The following RIN3 variants were observed in gnomAD, a reference collection of about 807,000 sequenced individuals.
RIN3 encodes the protein RAB5 interacting protein 3.
A neutral mutation model predicts 76.3 loss-of-function variants in RIN3; 54 were observed. That is an observed-to-expected ratio of 0.71 (90% CI 0.57 to 0.89). The LOEUF (loss-of-function observed/expected upper bound fraction) is 0.89. Among genes scored for constraint, RIN3 ranks in the 40% least tolerant of loss-of-function variants. The pLI is 0.00. For missense variants in RIN3, 1,256 were observed against 1,322.1 expected, an observed-to-expected ratio of 0.95 and a Z score of 0.78; for synonymous variants, 576 against 564.0, an observed-to-expected ratio of 1.02 and a Z score of -0.30.
chr14:92,652,473 C>T lies in RIN3; in HGVS notation c.1424C>T (p.Pro475Leu). ...TCTCGACAACTGGCCTCGACCCTCCCAGCTCCCTTAGAGAACGCTGAGCTC... is the reference window on the plus strand; with the variant it reads ...TCTCGACAACTGGCCTCGACCCTCCTAGCTCCCTTAGAGAACGCTGAGCTC... Reference protein sequence around the residue: ...RISRQLASTLPAPLENAELCT... With the variant: ...RISRQLASTLLAPLENAELCT... The change falls in exon 6 of 10, where the codon CCA (proline) becomes CTA (leucine). Residue 475 changes from proline (P) to leucine (L), a missense_variant. This residue lies in a region of RIN3 where 428 missense variants were observed against 521.2 expected (regional missense o/e 0.82). Transcript: ENST00000216487. The surrounding 1 kb of genome is among the most constrained non-coding windows in gnomAD (Gnocchi z 6.4). The T allele has an allele frequency of 6.2e-7, 1 of 1,614,148 alleles. No homozygotes were observed. The highest frequency in any genetic ancestry group is 8.5e-7 in the Non-Finnish European group (1 of 1,180,028).
chr14:92,598,347 C>G (rs1885225698), intron 3 of RIN3, among the ~76,000 whole-genome samples: 1 of 152,170 alleles, frequency 6.6e-6, no homozygotes, highest in Admixed American at 6.5e-5. Flanking sequence ...CAGATCAGAC[C>G]AGCCTGCAGC....
rs983371239 is a variant in RIN3 at position 92,568,138 on chromosome 14, G to T, written c.250-9222G>T. On this transcript the variant is annotated intron_variant, in intron 2 of 9. Coordinates refer to ENST00000216487, the MANE Select transcript of RIN3 (RefSeq NM_024832.5). The surrounding 1 kb of genome is among the most constrained non-coding windows in gnomAD (Gnocchi z 4.2). Reference sequence around the variant, plus strand: ...GTCTCTAAATAGCTGGCTGCAGGGGGGCAGAAAGGGAGAAGTAAGGTGGGC... The same window carrying T: ...GTCTCTAAATAGCTGGCTGCAGGGGTGCAGAAAGGGAGAAGTAAGGTGGGC... 6.6e-6 allele frequency among the ~76,000 whole-genome samples: 1 copy of T among 152,086 alleles called. No individual in the cohort carries two copies. Among genetic ancestry groups the T allele is most frequent in the Non-Finnish European group, 1.5e-5 (1 of 68,008 alleles).
chr14:92,516,883 A>C (rs528651754), intron 1 of RIN3, among the ~76,000 whole-genome samples: 2 of 152,360 alleles, frequency 1.3e-5, no homozygotes, highest in East Asian at 3.9e-4. Flanking sequence ...TCAAAACTGG[A>C]AACCTACCAG....
intron 3 of RIN3, among the ~76,000 whole-genome samples, chr14:92,610,632 C>G (rs1239211367): frequency 1.3e-5 from 2 of 152,128 alleles, no homozygotes; most frequent in Admixed American, 1.3e-4. Flanking sequence ...GGGTGGAATC[C>G]CTGGGAAACA....
intron 1 of RIN3, among the ~76,000 whole-genome samples, chr14:92,518,415 A>G (rs779792465): frequency 1.1e-4 from 16 of 152,172 alleles, no homozygotes; most frequent in Non-Finnish European, 2.1e-4. Context: ...GGTGGCCTAG[A>G]TCACAGGGCG....
At chr14:92,547,171 A>ATCTTTATTTTATTATTATAAAATAAATTG (rs1897297211) in intron 1 of RIN3, among the ~76,000 whole-genome samples, 1 of 83,900 alleles carries the variant, frequency 1.2e-5, no homozygotes, top group African/African-American at 4.5e-5. Context: ...AAAATAAATT[A>ATCTTTATTTTATTATTATAAAATAAATTG]TCTTTATTTT....
intron 1 of RIN3, among the ~76,000 whole-genome samples, chr14:92,542,096 C>G (rs908059036): frequency 1.3e-5 from 2 of 152,032 alleles, no homozygotes; most frequent in African/African-American, 4.8e-5. Flanking sequence ...AGTTTGAGAC[C>G]AGCCTGGGCA....
chr14:92,537,827 A>G (rs867224396), intron 1 of RIN3, among the ~76,000 whole-genome samples: 14 of 74,152 alleles, frequency 1.9e-4, no homozygotes, highest in African/African-American at 6.3e-4. Context: ...AATTTTATTT[A>G]TTTTATTTTA....
intron 3 of RIN3, among the ~76,000 whole-genome samples, chr14:92,587,004 A>G (rs922858930): frequency 6.6e-6 from 1 of 152,120 alleles, no homozygotes; most frequent in Non-Finnish European, 1.5e-5. Context: ...AAAGGGTAGA[A>G]CTCTGTTGGG....
Position 92,651,846 on chromosome 14 carries a change from C to A in RIN3, c.797C>A (p.Ser266Tyr), listed in dbSNP as rs1887440020. 6.2e-7 allele frequency: 1 copy of A among 1,611,228 alleles called. No homozygotes were observed. The highest frequency in any genetic ancestry group is 8.5e-7 in the Non-Finnish European group (1 of 1,178,232). The change falls in exon 6 of 10, where the codon TCT (serine) becomes TAT (tyrosine). Residue 266 changes from serine (S) to tyrosine (Y), a missense_variant. Transcript: ENST00000216487. ...NCPARPLPPT[S>Y]DATSPTSRWA... ...CCTGCACGCCCTTTGCCGCCCACCT[C>A]TGATGCCACCTCACCCACCTCCAGG... is the stretch of plus-strand genomic sequence containing the variant.
chr14:92,642,396 C>T (rs1461065232), intron 5 of RIN3, among the ~76,000 whole-genome samples: 2 of 152,094 alleles, frequency 1.3e-5, no homozygotes, highest in Non-Finnish European at 2.9e-5. Flanking sequence ...TGCGCCCGGC[C>T]CTGAGAATTT....
chr14:92,658,695 G>A (rs1216233994), intron 6 of RIN3, among the ~76,000 whole-genome samples: 2 of 152,178 alleles, frequency 1.3e-5, no homozygotes, highest in Admixed American at 6.5e-5. Context: ...GTAAGGTTCT[G>A]GATGTACTGT....
rs551291661 is a variant in RIN3 at position 92,590,591 on chromosome 14, T to G, written c.367+13114T>G. On this transcript the variant is annotated intron_variant, in intron 3 of 9. Coordinates refer to ENST00000216487, the MANE Select transcript of RIN3 (RefSeq NM_024832.5). The stretch of plus-strand genomic sequence containing the variant: ...CGAGCACCGTGCTTCCTGTAAAGCC[T>G]GCAGAACCATGAGCCAGTTAAACCT... Among the ~76,000 whole-genome samples the G allele has an allele frequency of 2.6e-5, 4 of 152,314 alleles. No individual in the cohort carries two copies. In the East Asian group the frequency reaches 7.7e-4, roughly 29 times the overall value.
chr14:92,595,944 A>T (rs1247780827), intron 3 of RIN3, among the ~76,000 whole-genome samples: 2 of 152,194 alleles, frequency 1.3e-5, no homozygotes, highest in Non-Finnish European at 2.9e-5. Flanking sequence ...GCAGTCAGAC[A>T]TGAGACCTTC....
In RIN3 at chr14:92,687,808, C is replaced by G. The variant is rs538153761; in HGVS notation, c.2632-118C>G. ...AGACGGGAAAGGCGCAGGTGCCGGA[C>G]TCGCAGACAGCTTGGCGCCCGCCAC... On this transcript the variant is annotated intron_variant, in intron 9 of 9. Coordinates refer to ENST00000216487, the MANE Select transcript of RIN3 (RefSeq NM_024832.5). 3 of 912,610 alleles carry G rather than the reference C, an allele frequency of 3.3e-6. No individual in the cohort carries two copies. The Admixed American group carries it at 1.0e-4, about 32-fold the overall frequency. The allele number at this position is 912,610 out of a possible 1,614,324, so 56.5% of individuals were successfully genotyped here. A position where few individuals can be genotyped will look rare whatever the true frequency, so the allele number is the denominator to read the frequency against.
intron 3 of RIN3, among the ~76,000 whole-genome samples, chr14:92,613,741 G>T (rs1041839139): frequency 6.6e-6 from 1 of 152,180 alleles, no homozygotes; most frequent in Admixed American, 6.5e-5. Flanking sequence ...AAGCCTCATT[G>T]TCTGTTCCAG....
At chr14:92,591,963 CAG>C (rs576249071) in intron 3 of RIN3, among the ~76,000 whole-genome samples, 1 of 152,174 alleles carries the variant, frequency 6.6e-6, no homozygotes, top group Non-Finnish European at 1.5e-5. Context: ...ATTGACCTAA[CAG>C]ATAACAGTTT....
chr14:92,632,079 C>T (rs1037479281), intron 4 of RIN3, among the ~76,000 whole-genome samples: 2 of 152,108 alleles, frequency 1.3e-5, no homozygotes, highest in African/African-American at 2.4e-5. Context: ...AGTGAGGGTG[C>T]GACTGCAGGG....
intron 1 of RIN3, among the ~76,000 whole-genome samples, chr14:92,516,027 C>G (rs1896432099): frequency 6.6e-6 from 1 of 152,098 alleles, no homozygotes; most frequent in Admixed American, 6.5e-5. Context: ...AGTGGGTTCT[C>G]AGAGTCCACT....
Sources: gnomAD v4.1 joint callset for allele counts (sites outside exome capture counted in the v4.1 genomes callset) on GRCh38, gnomAD v4.1.1 for gene constraint, gnomAD v4.1.1 regional missense constraint, Gnocchi (gnomAD v3.1) non-coding constraint, MANE v1.5 for transcripts, NCBI Gene and HGNC (gene_info 2026-07-23, HGNC 2026-07-21) for gene names.